Variants in RBFOX1 observed in about 807,000 individuals in gnomAD.
RBFOX1 encodes RNA binding fox-1 homolog 1, also known as RNA binding protein fox-1 homolog 1.
RBFOX1 carries 8 observed loss-of-function variants against 57.7 expected under a neutral mutation model. That is an observed-to-expected ratio of 0.14 (90% confidence interval 0.08 to 0.25). The LOEUF (loss-of-function observed/expected upper bound fraction) is 0.25. RBFOX1 is among the 10% of genes least tolerant of loss of function. The pLI, the probability that RBFOX1 is intolerant of heterozygous loss-of-function variation, is 1.00. For synonymous variants in RBFOX1, 326 were observed against 222.4 expected, an observed-to-expected ratio of 1.47 and a Z score of -4.15; for missense variants, 611 against 548.5, an observed-to-expected ratio of 1.11 and a Z score of -1.14.
intron 2 of RBFOX1, among the ~76,000 whole-genome samples, chr16:6,376,597 T>C (rs2091206672): frequency 6.6e-6 from 1 of 152,128 alleles, no homozygotes; most frequent in South Asian, 2.1e-4. Context: ...GTCCTCTATG[T>C]GTGTATCTCT....
intron 4 of RBFOX1, among the ~76,000 whole-genome samples, chr16:7,084,592 G>A (rs576327780): frequency 6.6e-6 from 1 of 152,166 alleles, no homozygotes; most frequent in Non-Finnish European, 1.5e-5. Context: ...CAGTGACTAT[G>A]TGAGAGGTAT....
intron 4 of RBFOX1, among the ~76,000 whole-genome samples, chr16:5,952,717 C>T (rs775128221): frequency 9.9e-5 from 15 of 152,170 alleles, no homozygotes; most frequent in Non-Finnish European, 1.9e-4. Flanking sequence ...AATTCTTCCA[C>T]GGATGGGCAT....
chr16:5,308,152 C>T (rs781412683), intron 1 of RBFOX1, among the ~76,000 whole-genome samples: 2 of 152,002 alleles, frequency 1.3e-5, no homozygotes, highest in Non-Finnish European at 2.9e-5. Flanking sequence ...CCAGCCTAGC[C>T]AGCATAGTGA....
intron 4 of RBFOX1, among the ~76,000 whole-genome samples, chr16:7,236,583 T>TGA (rs1425863653): frequency 6.6e-6 from 1 of 152,224 alleles, no homozygotes; most frequent in Non-Finnish European, 1.5e-5. Flanking sequence ...ATCTCTAAGT[T>TGA]GAAAATGGCC....
chr16:6,894,500 T>G (rs188168135), intron 3 of RBFOX1, among the ~76,000 whole-genome samples: 26 of 152,294 alleles, frequency 1.7e-4, no homozygotes, highest in Non-Finnish European at 1.5e-5. Flanking sequence ...GTCTCATGTT[T>G]CTGTTCACAC....
intron 3 of RBFOX1, among the ~76,000 whole-genome samples, chr16:6,832,717 C>T (rs925766859): frequency 6.6e-6 from 1 of 152,170 alleles, no homozygotes; most frequent in Non-Finnish European, 1.5e-5. Context: ...TTTTCCATTA[C>T]TGGGAAGGGT....
chr16:7,527,989 T>C (rs1336081880), intron 5 of RBFOX1, among the ~76,000 whole-genome samples: 6 of 152,226 alleles, frequency 3.9e-5, no homozygotes, highest in Non-Finnish European at 8.8e-5. Context: ...ACAAATGGTT[T>C]TCAATCACTC....
At chr16:5,666,738 G>A (rs1475383005) in intron 3 of RBFOX1, among the ~76,000 whole-genome samples, 2 of 152,182 alleles carry the variant, frequency 1.3e-5, no homozygotes, top group Admixed American at 6.5e-5. Flanking sequence ...GGTAGGGAAT[G>A]GATCTCTATT....
chr16:7,216,243 A>G lies in RBFOX1; in HGVS notation c.27+164145A>G, dbSNP rs540863858. ...TTGTGAATCATGCCACTATCTGCAT[A>G]TTAGTTAAGAACATCGGAAAGTCCA... On this transcript the variant is annotated intron_variant, in intron 4 of 15. Transcript: ENST00000550418. 4.4e-4 allele frequency among the ~76,000 whole-genome samples: 67 copies of G among 152,300 alleles called. 2 individuals carry two copies. Among genetic ancestry groups the G allele is most frequent in the Admixed American group, 3.3e-3 (51 of 15,292 alleles).
At chr16:7,019,870 C>G (rs1036720934) in intron 3 of RBFOX1, among the ~76,000 whole-genome samples, 2 of 152,192 alleles carry the variant, frequency 1.3e-5, no homozygotes, top group South Asian at 2.1e-4. Context: ...TCCAGCAATA[C>G]TGACATTTTT....
At chr16:5,709,204 G>C (rs2051361684) in intron 3 of RBFOX1, among the ~76,000 whole-genome samples, 1 of 152,148 alleles carries the variant, frequency 6.6e-6, no homozygotes, top group Admixed American at 6.5e-5. Flanking sequence ...ATTAGAAAAT[G>C]GGCTCTGATG....
intron 4 of RBFOX1, among the ~76,000 whole-genome samples, chr16:7,210,003 A>G (rs902477069): frequency 2.0e-5 from 3 of 152,188 alleles, no homozygotes; most frequent in African/African-American, 7.2e-5. Context: ...CTTGCCTCTA[A>G]AAATGATCAT....
intron 2 of RBFOX1, among the ~76,000 whole-genome samples, chr16:6,534,253 G>GTGTA (rs914790867): frequency 2.0e-5 from 3 of 151,660 alleles, no homozygotes; most frequent in Admixed American, 2.0e-4. Context: ...GGACATCAGT[G>GTGTA]TGTATGTGTG....
chr16:5,788,222 T>G (rs1268982511), intron 3 of RBFOX1, among the ~76,000 whole-genome samples: 2 of 152,190 alleles, frequency 1.3e-5, no homozygotes, highest in African/African-American at 2.4e-5. Context: ...TTACCCTGGA[T>G]GGAGAGAAGA....
chr16:6,314,806 G>T (rs193120523), intron 1 of RBFOX1, among the ~76,000 whole-genome samples: 1 of 152,212 alleles, frequency 6.6e-6, no homozygotes, highest in African/African-American at 2.4e-5. Flanking sequence ...TTAGGACTCA[G>T]ATAATCCTGC....
intron 3 of RBFOX1, among the ~76,000 whole-genome samples, chr16:6,941,229 C>T (rs1020499796): frequency 1.4e-5 from 2 of 146,260 alleles, no homozygotes; most frequent in East Asian, 2.1e-4. Flanking sequence ...CCATTACCTC[C>T]CTCCCTCCAT....
Position 7,029,221 on chromosome 16 carries a change from CACACATATATATACGTATACGTATATA to C in RBFOX1, c.-15-22835_-15-22809del, listed in dbSNP as rs1568441484. On this transcript the variant is annotated intron_variant, in intron 3 of 15. Transcript: ENST00000550418. ...ATGTATACGTATACGTATATATATA[CACACATATATATACGTATACGTATATA>C]TATACACACATATATATACGTATAC... Among the ~76,000 whole-genome samples the C allele has an allele frequency of 3.4e-4, 3 of 8,814 alleles. No individual in the cohort carries two copies. The East Asian group carries it at 0.044, about 130-fold the overall frequency. The allele number at this position is 8,814 out of a possible 152,430, so 5.8% of individuals were successfully genotyped here. A position where few individuals can be genotyped will look rare whatever the true frequency, so the allele number is the denominator to read the frequency against.
At position 6,803,905 on chromosome 16, in the gene RBFOX1, T is replaced by G. The variant is rs530918460; in HGVS notation, c.-16+149255T>G. Among the ~76,000 whole-genome samples, 50 of 152,284 alleles carry G rather than the reference T, an allele frequency of 3.3e-4. 2 individuals are homozygous for G. Among genetic ancestry groups the G allele is most frequent in the Non-Finnish European group, 7.3e-5 (5 of 68,030 alleles). On this transcript the variant is annotated intron_variant, in intron 3 of 15. Transcript: ENST00000550418. Reference sequence around the variant, plus strand: ...GCAGAGTGTTGCTGAAATGTAAGCTTTTACCATTGTTGTAGATCTGGCATC... The same window carrying G: ...GCAGAGTGTTGCTGAAATGTAAGCTGTTACCATTGTTGTAGATCTGGCATC...
intron 1 of RBFOX1, among the ~76,000 whole-genome samples, chr16:5,321,030 G>A (rs2064388355): frequency 6.6e-6 from 1 of 152,182 alleles, no homozygotes; most frequent in Admixed American, 6.5e-5. Flanking sequence ...TGCTGGTCCT[G>A]AGTTTCTCTT....
Sources: allele counts gnomAD v4.1 joint callset (sites outside exome capture counted in the v4.1 genomes callset), GRCh38; gene constraint gnomAD v4.1.1; transcripts MANE v1.5; gene names NCBI Gene and HGNC (gene_info 2026-07-23, HGNC 2026-07-21).